Variants in ZNF644 observed in about 807,000 individuals in gnomAD.
ZNF644 encodes the protein zinc finger motif enhancer binding protein 2.
Under a neutral mutation model 108.0 loss-of-function variants are expected in ZNF644, and 20 were observed. The ratio of observed to expected loss-of-function variants is 0.19; its 90% CI spans 0.13 to 0.27. The LOEUF (loss-of-function observed/expected upper bound fraction) is 0.27. Ranked by LOEUF, ZNF644 falls within the 10% of genes least tolerant of loss-of-function variation. The pLI, the probability that ZNF644 is intolerant of heterozygous loss-of-function variation, is 1.00. For synonymous variants in ZNF644, 542 were observed against 539.1 expected (o/e 1.01, Z -0.08); for missense variants, 1,338 against 1,548.9 (o/e 0.86, Z 2.29).
chr1:90,918,357 T>C lies in ZNF644; in HGVS notation c.3689-203A>G, dbSNP rs763884290. The C allele has an allele frequency of 1.4e-4, 79 of 576,874 alleles. 1 individual carries two copies. The highest frequency in any genetic ancestry group is 9.6e-4 in the Middle Eastern group (2 of 2,082). The allele number at this position is 576,874 out of a possible 1,614,324, so 35.7% of individuals were successfully genotyped here. A position where few individuals can be genotyped will look rare whatever the true frequency, so the allele number is the denominator to read the frequency against. On this transcript the variant is annotated intron_variant, in intron 4 of 5. Transcript: ENST00000337393. Reference sequence around the variant, plus strand: ...ATCTGTACTGTACAGCGGTATTATCTGTACTGAAGAATACTATCTGTATTC... The same window carrying C: ...ATCTGTACTGTACAGCGGTATTATCCGTACTGAAGAATACTATCTGTATTC...
chr1:90,943,113 C>T (rs1274364386), intron 2 of ZNF644, among the ~76,000 whole-genome samples: 2 of 152,074 alleles, frequency 1.3e-5, no homozygotes, highest in Non-Finnish European at 2.9e-5. Context: ...CAATTTCATG[C>T]TTTGTAAAAC....
intron 2 of ZNF644, among the ~76,000 whole-genome samples, chr1:90,949,767 G>T (rs987225097): frequency 1.3e-5 from 2 of 152,166 alleles, no homozygotes; most frequent in African/African-American, 4.8e-5. Context: ...TTATGTAAAG[G>T]TCTGGAGCAT....
At chr1:90,923,725 G>C (rs1177196693) in intron 4 of ZNF644, among the ~76,000 whole-genome samples, 3 of 152,102 alleles carry the variant, frequency 2.0e-5, no homozygotes, top group African/African-American at 7.2e-5. Context: ...AAGTTAACTA[G>C]TTCCTGCTTG....
intron 1 of ZNF644, among the ~76,000 whole-genome samples, chr1:90,995,395 G>C (rs1267542741): frequency 6.6e-6 from 1 of 152,094 alleles, no homozygotes; most frequent in Non-Finnish European, 1.5e-5. Flanking sequence ...TAAGAGACCA[G>C]TAGGACACTA....
intron 1 of ZNF644, among the ~76,000 whole-genome samples, chr1:91,003,703 GA>G (rs945168293): frequency 6.6e-6 from 1 of 151,432 alleles, no homozygotes; most frequent in African/African-American, 2.4e-5. Flanking sequence ...AAAATACAAA[GA>G]AAAAAAGAAG....
In ZNF644 at chr1:90,940,084, GCTT is replaced by G; in HGVS notation, c.1267_1269del (p.Lys423del). 6.2e-7 allele frequency: 1 copy of G among 1,614,074 alleles called. No homozygotes were observed. Among genetic ancestry groups the G allele is most frequent in the Non-Finnish European group, 8.5e-7 (1 of 1,179,958 alleles). On this transcript the variant is annotated inframe_deletion, in exon 3 of 6. Transcript: ENST00000337393. ...TGATACATCATATGCCTGTGGAGGT[GCTT>G]CTTCTCCCTAAAATTCACATTGCAC... is the stretch of plus-strand genomic sequence containing the variant.
At chr1:91,005,169 A>G (rs1000796678) in intron 1 of ZNF644, among the ~76,000 whole-genome samples, 4 of 152,160 alleles carry the variant, frequency 2.6e-5, no homozygotes, top group Non-Finnish European at 5.9e-5. Context: ...AGTAACCAAA[A>G]GAGAGTTGAT....
intron 2 of ZNF644, among the ~76,000 whole-genome samples, chr1:90,974,529 A>G (rs2101360765): frequency 6.6e-6 from 1 of 152,346 alleles, no homozygotes; most frequent in Non-Finnish European, 1.5e-5. Flanking sequence ...TGAATAATAC[A>G]GCACTACTGC....
intron 1 of ZNF644, among the ~76,000 whole-genome samples, chr1:91,010,606 T>C (rs1193096391): frequency 1.3e-5 from 2 of 152,038 alleles, no homozygotes; most frequent in Non-Finnish European, 2.9e-5. Context: ...AAAATCTAGG[T>C]AAAAAATTAT....
chr1:90,926,798 C>T (rs1367646470), intron 4 of ZNF644, among the ~76,000 whole-genome samples: 1 of 152,040 alleles, frequency 6.6e-6, no homozygotes, highest in Non-Finnish European at 1.5e-5. Flanking sequence ...TGTCACTGAC[C>T]TGGTACAGGA....
At position 90,938,408 on chromosome 1, in the gene ZNF644, G is replaced by A. The variant is rs1168378202; in HGVS notation, c.2946C>T (p.Val982=). Residue 982 remains valine (V), a synonymous_variant, in exon 3 of 6, where the codon GTC becomes GTT. Transcript: ENST00000337393. The surrounding 1 kb of genome is among the most constrained non-coding windows in gnomAD (Gnocchi z 4.2). ...ATCCTGCTCTGTGAAGATGCCCCCT[G>A]ACATGATTTGATAACCCAACACCTG... is the stretch of plus-strand genomic sequence containing the variant. ...FETGVGLSNH[V]RGHLHRAGLS... is the part of the protein sequence containing the mutation. The A allele has an allele frequency of 6.2e-7, 1 of 1,613,952 alleles. No homozygotes were observed. The highest frequency in any genetic ancestry group is 1.1e-5 in the South Asian group (1 of 91,070).
In ZNF644 at chr1:90,939,178, C is replaced by T; in HGVS notation, c.2176G>A (p.Ala726Thr). ...DQKPKYFHQAAKEKSNAKANS... is the reference protein window; with the variant it reads ...DQKPKYFHQATKEKSNAKANS... ...GCCTTGGCATTAGACTTTTCTTTTG[C>T]TGCTTGATGGAAATACTTAGGTTTT... Residue 726 changes from alanine to threonine, a missense_variant, in exon 3 of 6, where the codon GCA becomes ACA. Transcript: ENST00000337393. 6.2e-7 allele frequency: 1 copy of T among 1,613,738 alleles called. No individual in the cohort carries two copies. Among genetic ancestry groups the T allele is most frequent in the African/African-American group, 1.3e-5 (1 of 75,020 alleles).
chr1:90,994,549 G>A (rs1370581708), intron 1 of ZNF644, among the ~76,000 whole-genome samples: 1 of 152,290 alleles, frequency 6.6e-6, no homozygotes, highest in Non-Finnish European at 1.5e-5. Flanking sequence ...GAGAAGACCT[G>A]AAGGGATTGA....
intron 1 of ZNF644, among the ~76,000 whole-genome samples, chr1:91,009,224 A>C (rs925857614): frequency 6.6e-6 from 1 of 152,174 alleles, no homozygotes; most frequent in Non-Finnish European, 1.5e-5. Flanking sequence ...GCCTATATTA[A>C]CTGTGAGAAT....
chr1:90,969,214 C>T (rs1226490167), intron 2 of ZNF644, among the ~76,000 whole-genome samples: 1 of 152,048 alleles, frequency 6.6e-6, no homozygotes, highest in African/African-American at 2.4e-5. Context: ...TTAGGACATA[C>T]AGAGAGACAC....
chr1:90,993,940 T>C (rs1657881410), intron 1 of ZNF644, among the ~76,000 whole-genome samples: 1 of 152,166 alleles, frequency 6.6e-6, no homozygotes, highest in Non-Finnish European at 1.5e-5. Flanking sequence ...AATTTCCAGA[T>C]AGGGACACAT....
chr1:90,999,685 C>T (rs893966308), intron 1 of ZNF644, among the ~76,000 whole-genome samples: 7 of 152,216 alleles, frequency 4.6e-5, no homozygotes, highest in African/African-American at 1.7e-4. Flanking sequence ...TCGCACATAA[C>T]AATATTAACC....
At chr1:90,996,914 A>T (rs1658199442) in intron 1 of ZNF644, among the ~76,000 whole-genome samples, 1 of 152,116 alleles carries the variant, frequency 6.6e-6, no homozygotes, top group Admixed American at 6.5e-5. Context: ...GGAAGGCTCT[A>T]CTCGCAAAGC....
chr1:90,992,397 CAA>C (rs77298407), intron 1 of ZNF644, among the ~76,000 whole-genome samples: 11 of 137,096 alleles, frequency 8.0e-5, no homozygotes, highest in Admixed American at 7.3e-5. Flanking sequence ...CATTTATAAC[CAA>C]AAAAAAAAAA....
Sources: gnomAD v4.1 joint callset for allele counts (sites outside exome capture counted in the v4.1 genomes callset) on GRCh38, gnomAD v4.1.1 for gene constraint, Gnocchi (gnomAD v3.1) non-coding constraint, MANE v1.5 for transcripts, NCBI Gene and HGNC (gene_info 2026-07-23, HGNC 2026-07-21) for gene names.